CNTNAP2: variants seen among roughly 807,000 people sequenced by gnomAD.
CNTNAP2 encodes contactin-associated protein-like 2.
Under a neutral mutation model 155.2 loss-of-function variants are expected in CNTNAP2, and 98 were observed. The observed-to-expected ratio is 0.63, with a 90% CI of 0.54 to 0.75. The LOEUF (loss-of-function observed/expected upper bound fraction) is 0.75. Ranked by LOEUF, CNTNAP2 falls within the 30% of genes least tolerant of loss-of-function variation. The pLI is 0.00. For missense variants in CNTNAP2, 1,727 were observed against 1,688.1 expected (o/e 1.02, Z -0.40); for synonymous variants, 651 against 631.2 (o/e 1.03, Z -0.47).
At chr7:147,877,963 G>A (rs1048039663) in intron 13 of CNTNAP2, among the ~76,000 whole-genome samples, 3 of 152,108 alleles carry the variant, frequency 2.0e-5, no homozygotes, top group Non-Finnish European at 4.4e-5. Context: ...CCTGCTATAG[G>A]CAAAGTTTAG....
intron 12 of CNTNAP2, among the ~76,000 whole-genome samples, chr7:147,622,125 G>A (rs28847951): frequency 0.02 from 3,108 of 151,850 alleles, 113 homozygotes; most frequent in African/African-American, 0.071. Context: ...GTGGAGTACC[G>A]CGATATATAA....
intron 8 of CNTNAP2, among the ~76,000 whole-genome samples, chr7:147,215,545 A>C (rs1584797464): frequency 6.6e-6 from 1 of 151,920 alleles, no homozygotes; most frequent in African/African-American, 2.4e-5. Flanking sequence ...ATAATATTCT[A>C]TTTTCTGGTC....
At chr7:148,301,306 A>AAAAATATATATATATATATATAT in intron 21 of CNTNAP2, among the ~76,000 whole-genome samples, 6 of 103,866 alleles carry the variant, frequency 5.8e-5, no homozygotes, top group Non-Finnish European at 9.6e-5. Context: ...AAAAAAAAAA[A>AAAAATATATATATATATATATAT]ATATATATAT....
At chr7:146,299,585 A>C (rs1267948406) in intron 1 of CNTNAP2, among the ~76,000 whole-genome samples, 1 of 151,850 alleles carries the variant, frequency 6.6e-6, no homozygotes, top group East Asian at 1.9e-4. Flanking sequence ...TTTATTTTGT[A>C]GATACAGGGT....
chr7:147,705,787 C>A (rs1796304734), intron 13 of CNTNAP2, among the ~76,000 whole-genome samples: 1 of 152,086 alleles, frequency 6.6e-6, no homozygotes. Context: ...TGAGTTGATC[C>A]TTTTTCATCA....
chr7:146,169,154 A>G (rs1798354224), intron 1 of CNTNAP2, among the ~76,000 whole-genome samples: 1 of 152,168 alleles, frequency 6.6e-6, no homozygotes, highest in Non-Finnish European at 1.5e-5. Flanking sequence ...ATGCAATCCA[A>G]CCAAGCACTT....
At chr7:147,412,045 G>T (rs956763931) in intron 10 of CNTNAP2, among the ~76,000 whole-genome samples, 2 of 152,090 alleles carry the variant, frequency 1.3e-5, no homozygotes, top group Non-Finnish European at 2.9e-5. Flanking sequence ...ACATTTTAGG[G>T]TATTCAAGAG....
At chr7:147,382,632 G>A (rs1404882846) in intron 9 of CNTNAP2, among the ~76,000 whole-genome samples, 2 of 152,070 alleles carry the variant, frequency 1.3e-5, no homozygotes, top group African/African-American at 4.8e-5. Context: ...CTGAGACAGA[G>A]ATATGATTAG....
chr7:146,119,800 A>C (rs541963352), intron 1 of CNTNAP2, among the ~76,000 whole-genome samples: 13 of 152,112 alleles, frequency 8.5e-5, no homozygotes, highest in Non-Finnish European at 1.9e-4. Context: ...ACATTTGGGA[A>C]ATGTGTTTTG....
At chr7:147,878,170 G>A (rs1357631329) in intron 13 of CNTNAP2, among the ~76,000 whole-genome samples, 1 of 151,090 alleles carries the variant, frequency 6.6e-6, no homozygotes, top group Non-Finnish European at 1.5e-5. Flanking sequence ...TTTTCTTTTA[G>A]TGGAGTGATG....
chr7:148,276,136 C>T (rs765181139), intron 21 of CNTNAP2, among the ~76,000 whole-genome samples: 8 of 152,168 alleles, frequency 5.3e-5, no homozygotes, highest in Non-Finnish European at 1.0e-4. Flanking sequence ...GACAAGAGTA[C>T]ATTATTAGCA....
At chr7:147,740,219 G>A (rs1367405828) in intron 13 of CNTNAP2, among the ~76,000 whole-genome samples, 1 of 152,122 alleles carries the variant, frequency 6.6e-6, no homozygotes, top group African/African-American at 2.4e-5. Flanking sequence ...TAATATGCAA[G>A]GATTTTCAAA....
At chr7:147,535,014 G>A (rs556659302) in intron 11 of CNTNAP2, among the ~76,000 whole-genome samples, 77 of 152,128 alleles carry the variant, frequency 5.1e-4, no homozygotes, top group Non-Finnish European at 9.9e-4. Flanking sequence ...GCCCCTTCCC[G>A]CCTACCCACG....
chr7:147,533,882 A>G (rs1032121110), intron 11 of CNTNAP2, among the ~76,000 whole-genome samples: 3 of 152,234 alleles, frequency 2.0e-5, no homozygotes, highest in African/African-American at 7.2e-5. Flanking sequence ...TGAACTATCA[A>G]TAAGTGAAAC....
intron 11 of CNTNAP2, among the ~76,000 whole-genome samples, chr7:147,511,221 T>C (rs1314006177): frequency 4.6e-5 from 7 of 152,032 alleles, no homozygotes; most frequent in Admixed American, 4.6e-4. Flanking sequence ...ATTATGTCAG[T>C]GACAAAAGGT....
intron 1 of CNTNAP2, among the ~76,000 whole-genome samples, chr7:146,300,176 C>A (rs1800582033): frequency 6.6e-6 from 1 of 151,884 alleles, no homozygotes; most frequent in Non-Finnish European, 1.5e-5. Context: ...TCTATAAGAA[C>A]AAAGAATATA....
chr7:147,266,596 C>T (rs576426443), intron 8 of CNTNAP2, among the ~76,000 whole-genome samples: 18 of 152,242 alleles, frequency 1.2e-4, no homozygotes, highest in Admixed American at 1.1e-3. Flanking sequence ...GCATTCTGTT[C>T]ACTGAGAAAT....
At chr7:146,323,322 G>T (rs1801038079) in intron 1 of CNTNAP2, among the ~76,000 whole-genome samples, 1 of 151,670 alleles carries the variant, frequency 6.6e-6, no homozygotes, top group Admixed American at 6.6e-5. Flanking sequence ...GTAATTGATA[G>T]GGAATAAAAG....
At chr7:146,846,638 T>TGG (rs1271201353) in intron 3 of CNTNAP2, among the ~76,000 whole-genome samples, 55 of 152,304 alleles carry the variant, frequency 3.6e-4, no homozygotes, top group African/African-American at 1.0e-3. Flanking sequence ...TCAAAGGTCA[T>TGG]GAGGTTTCTT....
Sources: allele counts gnomAD v4.1 joint callset (sites outside exome capture counted in the v4.1 genomes callset), GRCh38; gene constraint gnomAD v4.1.1; transcripts MANE v1.5; gene names NCBI Gene and HGNC (gene_info 2026-07-23, HGNC 2026-07-21).